Variants in DAPK2 observed in about 807,000 individuals in gnomAD.
DAPK2 encodes the protein death associated protein kinase 2.
Under a neutral mutation model 44.1 loss-of-function variants are expected in DAPK2, and 35 were observed. That is an observed-to-expected ratio of 0.79 (90% CI 0.61 to 1.05). The LOEUF is 1.05. Among genes scored for constraint, DAPK2 ranks in the 50% least tolerant of loss-of-function variants. The pLI, the probability that DAPK2 is intolerant of heterozygous loss-of-function variation, is 0.00. For synonymous variants in DAPK2, 174 were observed against 182.6 expected (o/e 0.95, Z 0.38); for missense variants, 453 against 483.2 (o/e 0.94, Z 0.59).
chr15:63,920,432 T>C (rs2079040919), intron 8 of DAPK2: 2 of 152,176 alleles, frequency 1.3e-5, no homozygotes, highest in Admixed American at 6.5e-5. Context: ...CACAGCTTTA[T>C]GTGGTGGGGG....
At chr15:64,009,070 AC>A (rs1364394628) in intron 1 of DAPK2, among the ~76,000 whole-genome samples, 2 of 151,692 alleles carry the variant, frequency 1.3e-5, no homozygotes, top group African/African-American at 4.9e-5. Context: ...CTCTATTTTC[AC>A]CTCCTGTGCA....
At chr15:63,926,971 T>G (rs887595354) in intron 6 of DAPK2, among the ~76,000 whole-genome samples, 1 of 152,196 alleles carries the variant, frequency 6.6e-6, no homozygotes, top group Non-Finnish European at 1.5e-5. Context: ...TTTCTTAGCA[T>G]GGTGGCAGCA....
intron 1 of DAPK2, among the ~76,000 whole-genome samples, chr15:64,021,643 T>A (rs1266438425): frequency 6.6e-6 from 1 of 152,124 alleles, no homozygotes; most frequent in Non-Finnish European, 1.5e-5. Context: ...AAATACAGAA[T>A]GAATCCCCAG....
chr15:63,966,156 C>T lies in DAPK2; in HGVS notation c.453+5267G>A, dbSNP rs1229547877. Among the ~76,000 whole-genome samples the T allele has an allele frequency of 6.6e-6, 1 of 152,184 alleles. No individual in the cohort carries two copies. The highest frequency in any genetic ancestry group is 1.9e-4 in the East Asian group (1 of 5,196). On this transcript the variant is annotated intron_variant, in intron 3 of 10. Coordinates refer to ENST00000261891, the Ensembl canonical transcript of DAPK2. The surrounding 1 kb of genome is among the most constrained non-coding windows in gnomAD (Gnocchi z 5.5). ...GTAGTCAGCAGGTGATGAATCCTGCCAGGACTGGGTCCTTCCCTTCAAGGC... is the reference window on the plus strand; with the variant it reads ...GTAGTCAGCAGGTGATGAATCCTGCTAGGACTGGGTCCTTCCCTTCAAGGC...
At chr15:63,951,504 G>A (rs1054291494) in intron 3 of DAPK2, among the ~76,000 whole-genome samples, 8 of 152,174 alleles carry the variant, frequency 5.3e-5, no homozygotes, top group African/African-American at 1.9e-4. Flanking sequence ...TGTGGTGGAT[G>A]TACAACACAC....
Position 63,930,460 on chromosome 15 carries a change from AAG to A in DAPK2, c.584-7_584-6del. ...CGTAGTTCACAATTTCTGGAGCTGA[AAG>A]AAGTCATATTAAATAGTCAACATGA... On this transcript the variant is annotated splice_region_variant and splice_polypyrimidine_tract_variant and intron_variant, in intron 4 of 10. Transcript: ENST00000261891. 1 of 1,614,114 alleles carries A rather than the reference AAG, an allele frequency of 6.2e-7. No individual in the cohort carries two copies. Among genetic ancestry groups the A allele is most frequent in the Middle Eastern group, 1.6e-4 (1 of 6,062 alleles).
chr15:64,045,463 TC>T (rs748738555), intron 1 of DAPK2, among the ~76,000 whole-genome samples: 33 of 152,060 alleles, frequency 2.2e-4, no homozygotes, highest in Non-Finnish European at 4.7e-4. Flanking sequence ...TCCACAGGAT[TC>T]CAGGATACAA....
chr15:63,976,471 C>T (rs1368715065), intron 2 of DAPK2, among the ~76,000 whole-genome samples: 1 of 151,998 alleles, frequency 6.6e-6, no homozygotes, highest in East Asian at 1.9e-4. Flanking sequence ...GTAATCTCAG[C>T]ACTTTGGGAG....
chr15:64,015,664 A>T (rs1236027799), intron 1 of DAPK2, among the ~76,000 whole-genome samples: 6 of 152,246 alleles, frequency 3.9e-5, no homozygotes, highest in Non-Finnish European at 8.8e-5. Context: ...GTGGGCCCCA[A>T]ATCCAATGAC....
intron 1 of DAPK2, among the ~76,000 whole-genome samples, chr15:64,011,573 A>T (rs966076426): frequency 6.6e-6 from 1 of 152,196 alleles, no homozygotes; most frequent in Non-Finnish European, 1.5e-5. Flanking sequence ...ACAGCCTTAT[A>T]CACTCCAGGT....
At chr15:63,992,737 A>G (rs2140917531) in intron 1 of DAPK2, among the ~76,000 whole-genome samples, 2 of 152,314 alleles carry the variant, frequency 1.3e-5, no homozygotes, top group Middle Eastern at 3.4e-3. Context: ...AGGGAAGGAG[A>G]GAACAAGCAG....
chr15:63,982,809 G>A (rs1388516459), intron 2 of DAPK2, among the ~76,000 whole-genome samples: 2 of 152,188 alleles, frequency 1.3e-5, no homozygotes, highest in Non-Finnish European at 2.9e-5. Flanking sequence ...GTTCTTGTCT[G>A]TAAAATGGGG....
rs116913679 is a variant in DAPK2 at position 64,022,739 on chromosome 15, C to T, written c.92+17431G>A. On this transcript the variant is annotated intron_variant, in intron 1 of 10. Transcript: ENST00000261891. ...GAGGCTGAAGGGGGAAGATCTCTTG[C>T]GCCCAGGAGGCAGAGGTTGCAGTGA... Among the ~76,000 whole-genome samples, 504 of 152,238 alleles carry T rather than the reference C, an allele frequency of 3.3e-3. 1 individual carries two copies. Among genetic ancestry groups the T allele is most frequent in the Non-Finnish European group, 4.1e-3 (278 of 68,014 alleles).
rs138766579 is a variant in DAPK2, at chr15:63,977,726, G to A, written c.314+5807C>T. On this transcript the variant is annotated intron_variant, in intron 2 of 10. Transcript: ENST00000261891. ...CCCAAACATTTCCTCACTTGAGCTTGATATCCACCCGGAGGGCATCCTCAT... is the reference window on the plus strand; with the variant it reads ...CCCAAACATTTCCTCACTTGAGCTTAATATCCACCCGGAGGGCATCCTCAT... Among the ~76,000 whole-genome samples the A allele has an allele frequency of 2.2e-4, 33 of 152,324 alleles. No individual in the cohort carries two copies. In the East Asian group the frequency reaches 5.4e-3, roughly 25 times the overall value.
chr15:64,028,470 C>T (rs767805841), intron 1 of DAPK2, among the ~76,000 whole-genome samples: 5 of 152,214 alleles, frequency 3.3e-5, no homozygotes, highest in Middle Eastern at 3.2e-3. Context: ...CAAGATGCAA[C>T]ACATGATCCT....
intron 3 of DAPK2, among the ~76,000 whole-genome samples, chr15:63,961,631 G>A (rs1025102647): frequency 1.3e-5 from 2 of 152,166 alleles, no homozygotes; most frequent in Non-Finnish European, 2.9e-5. Context: ...GAGATTCTGG[G>A]TTGAAAATTC....
At chr15:63,921,300 C>T (rs2079065349) in intron 8 of DAPK2, 2 of 152,272 alleles carry the variant, frequency 1.3e-5, no homozygotes, top group Non-Finnish European at 2.9e-5. Flanking sequence ...GAGCAACAGA[C>T]TTGTCATTAG....
intron 3 of DAPK2, among the ~76,000 whole-genome samples, chr15:63,955,638 G>A (rs988378743): frequency 6.6e-6 from 1 of 152,120 alleles, no homozygotes; most frequent in Non-Finnish European, 1.5e-5. Context: ...GGGTGATCAT[G>A]GCTCACGTGG....
intron 3 of DAPK2, among the ~76,000 whole-genome samples, chr15:63,947,671 A>G (rs2077484299): frequency 6.6e-6 from 1 of 152,226 alleles, no homozygotes; most frequent in Non-Finnish European, 1.5e-5. Context: ...AGGAGGATCA[A>G]ACAAGGCATA....
Sources: gnomAD v4.1 joint callset for allele counts (sites outside exome capture counted in the v4.1 genomes callset) on GRCh38, gnomAD v4.1.1 for gene constraint, Gnocchi (gnomAD v3.1) non-coding constraint, MANE v1.5 for transcripts, NCBI Gene and HGNC (gene_info 2026-07-23, HGNC 2026-07-21) for gene names.